Variants in SLC18A2 observed in about 807,000 individuals in gnomAD.
SLC18A2 encodes synaptic vesicular amine transporter.
In SLC18A2, 33 loss-of-function variants were observed where a neutral mutation model predicts 59.2. The observed-to-expected ratio is 0.56, with a 90% CI of 0.42 to 0.75. The LOEUF (loss-of-function observed/expected upper bound fraction) is 0.75, where lower values mean the gene tolerates loss of function less well. Among genes scored for constraint, SLC18A2 ranks in the 30% least tolerant of loss-of-function variants. SLC18A2 has a pLI of 0.00. For synonymous variants in SLC18A2, 228 were observed against 253.5 expected (o/e 0.90, Z 0.95); for missense variants, 569 against 668.6 (o/e 0.85, Z 1.64).
At chr10:117,253,555 G>T (rs1038004864) in intron 4 of SLC18A2, 98 bp downstream of exon 4, 13 of 350,528 alleles carry the variant, frequency 3.7e-5, no homozygotes, top group East Asian at 2.4e-4. Flanking sequence ...AGGACGGCGG[G>T]GGGGCGGGGG....
In SLC18A2 at chr10:117,255,630, A is replaced by G; in HGVS notation, c.868A>G (p.Lys290Glu). Residue 290 changes from lysine to glutamate, a missense_variant, in exon 9 of 16, where the codon AAG becomes GAG. By Grantham distance (56) the Lys-to-Glu change is moderately conservative. Transcript: ENST00000644641. ...GGGGACACCCCTAACCACGCTGCTGAAGGACCCGTACATCCTCATTGCTGC... is the reference window on the plus strand; with the variant it reads ...GGGGACACCCCTAACCACGCTGCTGGAGGACCCGTACATCCTCATTGCTGC... ...QKGTPLTTLLKDPYILIAAGS... is the reference protein window; with the variant it reads ...QKGTPLTTLLEDPYILIAAGS... 1.2e-6 allele frequency: 2 copies of G among 1,613,832 alleles called. No individual in the cohort carries two copies. Among genetic ancestry groups the G allele is most frequent in the East Asian group, 4.5e-5 (2 of 44,862 alleles).
chr10:117,265,624 CAGCT>C (rs1269959180), intron 10 of SLC18A2, among the ~76,000 whole-genome samples: 1 of 152,132 alleles, frequency 6.6e-6, no homozygotes, highest in African/African-American at 2.4e-5. Flanking sequence ...GGACCAGACA[CAGCT>C]GATGTGGACA....
At chr10:117,248,681 T>C (rs1844133699) in intron 3 of SLC18A2, among the ~76,000 whole-genome samples, 1 of 152,216 alleles carries the variant, frequency 6.6e-6, no homozygotes, top group Admixed American at 6.5e-5. Context: ...AAGAGGAAAG[T>C]TCCAGGCACA....
rs748987139 is a variant in SLC18A2, at chr10:117,267,703, A to G, written c.1153A>G (p.Ile385Val). ...ATTTGCAAAAAACATTTATGGACTC[A>G]TAGCTCCGAACTTTGGAGTTGGTTT... ...IPFAKNIYGL[I>V]APNFGVGFAI... The change falls in exon 13 of 16, where the codon ATA becomes GTA. Residue 385 changes from isoleucine (I) to valine (V), a missense_variant. Ile to Val is a conservative substitution (Grantham distance 29). Around this residue, in one of 2 missense-constraint regions of SLC18A2, gnomAD observed 192 missense variants for 278.8 expected, o/e 0.69. Coordinates refer to ENST00000644641, the MANE Select transcript of SLC18A2 (RefSeq NM_003054.6). 2.1e-5 allele frequency: 33 copies of G among 1,570,354 alleles called. No homozygotes were observed. Among genetic ancestry groups the G allele is most frequent in the Non-Finnish European group, 2.8e-5 (32 of 1,146,060 alleles).
At chr10:117,243,885 C>T (rs532895560) in intron 2 of SLC18A2, 86 bp from the exon 3 acceptor site, 95 of 1,113,336 alleles carry the variant, frequency 8.5e-5, no homozygotes, top group East Asian at 1.5e-4. Context: ...TGCTCCCTGC[C>T]GACACAACCA....
intron 9 of SLC18A2, among the ~76,000 whole-genome samples, chr10:117,255,918 G>A (rs1307530938): frequency 6.6e-6 from 1 of 152,208 alleles, no homozygotes; most frequent in Non-Finnish European, 1.5e-5. Flanking sequence ...GAGCTGCCTG[G>A]GTCCTGGGGA....
At position 117,270,133 on chromosome 10, in the gene SLC18A2, G is replaced by A. The variant is rs569635578; in HGVS notation, c.1249G>A (p.Val417Ile). The change falls in exon 14 of 16, where the codon GTC becomes ATC. Residue 417 changes from valine (V) to isoleucine (I), a missense_variant. Physicochemically the swap from Val to Ile is conservative, Grantham distance 29 (BLOSUM62 3). Around this residue, in one of 2 missense-constraint regions of SLC18A2, gnomAD observed 192 missense variants for 278.8 expected, o/e 0.69. Coordinates refer to ENST00000644641, the MANE Select transcript of SLC18A2 (RefSeq NM_003054.6). ...CCTCGTAGACCTGCGGCACGTGTCCGTCTATGGGAGTGTGTACGCCATTGC... is the reference window on the plus strand; with the variant it reads ...CCTCGTAGACCTGCGGCACGTGTCCATCTATGGGAGTGTGTACGCCATTGC... The part of the protein sequence containing the change: ...GYLVDLRHVS[V>I]YGSVYAIADV... The A allele has an allele frequency of 1.5e-4, 246 of 1,614,240 alleles. No individual in the cohort carries two copies. The highest frequency in any genetic ancestry group is 2.0e-4 in the East Asian group (9 of 44,886).
chr10:117,255,667 T>C lies in SLC18A2; in HGVS notation c.895+10T>C, dbSNP rs371860047. 6.2e-7 allele frequency: 1 copy of C among 1,611,980 alleles called. No individual in the cohort carries two copies. Among genetic ancestry groups the C allele is most frequent in the African/African-American group, 1.3e-5 (1 of 74,904 alleles). ...ATCCTCATTGCTGCAGGTGGGGCTC[T>C]GTGGGTCTTCTGAGTCAGGGGAATG... On this transcript the variant is annotated intron_variant, in intron 9 of 15. Transcript: ENST00000644641.
chr10:117,270,233 G>A lies in SLC18A2; in HGVS notation c.1306+43G>A, dbSNP rs363272. ...TCATAAGAACCTTTTACCTCAATAC[G>A]TAATGGATAACGTCTACTAAAATTG... is the stretch of plus-strand genomic sequence containing the variant. On this transcript the variant is annotated intron_variant, in intron 14 of 15. Coordinates refer to ENST00000644641, the MANE Select transcript of SLC18A2 (RefSeq NM_003054.6). 0.85 allele frequency: 1,378,658 copies of A among 1,613,340 alleles called. 593,243 individuals carry two copies. Among genetic ancestry groups the A allele is most frequent in the Non-Finnish European group, 0.89 (1,044,786 of 1,179,708 alleles).
Position 117,244,171 on chromosome 10 carries a change from A to C in SLC18A2, c.322A>C (p.Thr108Pro). The change falls in exon 3 of 16, where the codon ACC becomes CCC. Residue 108 changes from threonine to proline, a missense_variant. Physicochemically the swap from Thr to Pro is conservative, Grantham distance 38. This residue lies in a region of SLC18A2 where 377 missense variants were observed against 389.8 expected (regional missense o/e 0.97). Transcript: ENST00000644641. ...TCAGACCGCCACACAGCACATGGTG[A>C]CCAACGCGTCCGCTGTTCCTTCCGA... ...LHQTATQHMV[T>P]NASAVPSDCP... The C allele has an allele frequency of 6.2e-7, 1 of 1,614,186 alleles. No individual in the cohort carries two copies. Among genetic ancestry groups the C allele is most frequent in the Non-Finnish European group, 8.5e-7 (1 of 1,180,050 alleles).
intron 10 of SLC18A2, among the ~76,000 whole-genome samples, chr10:117,259,852 C>T (rs1043034096): frequency 2.0e-5 from 3 of 152,220 alleles, no homozygotes; most frequent in Non-Finnish European, 4.4e-5. Context: ...AGCCCTTTCA[C>T]TTGGGGAACC....
At chr10:117,274,058 A>C (rs889408781) in intron 15 of SLC18A2, among the ~76,000 whole-genome samples, 7 of 152,142 alleles carry the variant, frequency 4.6e-5, no homozygotes, top group Middle Eastern at 3.2e-3. Context: ...CGGCCGCCCT[A>C]CTTGTTCCCC....
intron 10 of SLC18A2, among the ~76,000 whole-genome samples, chr10:117,259,988 T>A (rs1844276711): frequency 6.6e-6 from 1 of 152,242 alleles, no homozygotes; most frequent in Non-Finnish European, 1.5e-5. Context: ...ATTTCTTGTC[T>A]TTCCCCTTTT....
chr10:117,243,960 C>G lies in SLC18A2; in HGVS notation c.122-11C>G, dbSNP rs746593642. On this transcript the variant is annotated splice_polypyrimidine_tract_variant and intron_variant, in intron 2 of 15. Coordinates refer to ENST00000644641, the MANE Select transcript of SLC18A2 (RefSeq NM_003054.6). ...GTGATCACCACCTTGCCATTCTGCT[C>G]TTATCCCCAGTCCCCATCATCCCAA... 6.7e-5 allele frequency: 108 copies of G among 1,605,882 alleles called. No homozygotes were observed. Among genetic ancestry groups the G allele is most frequent in the Non-Finnish European group, 5.1e-6 (6 of 1,174,716 alleles).
chr10:117,267,146 A>G, intron 12 of SLC18A2, 111 bp downstream of exon 12: 1 of 799,846 alleles, frequency 1.3e-6, no homozygotes, highest in Non-Finnish European at 2.1e-6. Context: ...ATGTTTTATT[A>G]CAGCTTTCAT....
At chr10:117,276,630 A>AGAAAGAAAG (rs1554953530) in intron 15 of SLC18A2, among the ~76,000 whole-genome samples, 1 of 22,314 alleles carries the variant, frequency 4.5e-5, no homozygotes, top group Admixed American at 5.1e-4. Flanking sequence ...AAAAAAAAAA[A>AGAAAGAAAG]AAAGAAAGAA....
At chr10:117,247,287 T>G (rs1201165235) in intron 3 of SLC18A2, among the ~76,000 whole-genome samples, 3 of 152,128 alleles carry the variant, frequency 2.0e-5, no homozygotes, top group Non-Finnish European at 4.4e-5. Context: ...TGTTTCTGAT[T>G]AAAGAGTAGT....
rs766331575 is a variant in SLC18A2, at chr10:117,254,395, C to T, written c.608-10C>T. On this transcript the variant is annotated splice_polypyrimidine_tract_variant and intron_variant, in intron 5 of 15. Transcript: ENST00000644641. ...GAGCTGGCCTGTTGACTATTTCTTT[C>T]CCTGTGTAGGGATGGGCATGCTTGC... 7.0e-6 allele frequency: 11 copies of T among 1,562,112 alleles called. No individual in the cohort carries two copies. The highest frequency in any genetic ancestry group is 1.4e-5 in the African/African-American group (1 of 73,080).
At position 117,262,058 on chromosome 10, in the gene SLC18A2, C is replaced by T. The variant is rs570711068; in HGVS notation, c.991+4166C>T. On this transcript the variant is annotated intron_variant, in intron 10 of 15. Transcript: ENST00000644641. ...GAGTAGCTGGGATTACAGGTGCCTACCACTGTACCCGGCTAATTTTGTATT... is the reference window on the plus strand; with the variant it reads ...GAGTAGCTGGGATTACAGGTGCCTATCACTGTACCCGGCTAATTTTGTATT... Among the ~76,000 whole-genome samples the T allele has an allele frequency of 1.4e-3, 209 of 152,278 alleles. 1 individual carries two copies. The highest frequency in any genetic ancestry group is 1.7e-3 in the Non-Finnish European group (114 of 68,026).
Sources: allele counts gnomAD v4.1 joint callset (sites outside exome capture counted in the v4.1 genomes callset), GRCh38; gene constraint gnomAD v4.1.1; regional missense constraint gnomAD v4.1.1; transcripts MANE v1.5; gene names NCBI Gene and HGNC (gene_info 2026-07-23, HGNC 2026-07-21).